PDE4A: variants seen among roughly 807,000 people sequenced by gnomAD.
The protein encoded by PDE4A is phosphodiesterase 4A, also known as 3',5'-cyclic-AMP phosphodiesterase 4A.
PDE4A carries 21 observed loss-of-function variants against 73.9 expected under a neutral mutation model. That is an observed-to-expected ratio of 0.28 (90% CI 0.20 to 0.41). PDE4A has a LOEUF of 0.41. PDE4A is among the 10% of genes least tolerant of loss of function. The pLI is 1.00. For synonymous variants in PDE4A, 463 were observed against 505.4 expected (o/e 0.92, Z 1.13); for missense variants, 958 against 1,211.4 (o/e 0.79, Z 3.10).
At chr19:10,461,224 TGGAAAGGGGA>T in intron 11 of PDE4A, 121 bp downstream of exon 11, 1 of 932,274 alleles carries the variant, frequency 1.1e-6, no homozygotes, top group Non-Finnish European at 1.3e-6. Flanking sequence ...CTGGCTGGCC[TGGAAAGGGGA>T]TGGCCGGGCA....
chr19:10,461,188 A>AGGGGCTGGCTGGCCTGGGGGC lies in PDE4A; in HGVS notation c.1465+103_1465+123dup, dbSNP rs1394786155. ...GGGGCGGAACTAACTAGGCTGGAGGAGGGGCTGGCTGGCCTGGGGGCGGGG... is the reference window on the plus strand; with the variant it reads ...GGGGCGGAACTAACTAGGCTGGAGGAGGGGCTGGCTGGCCTGGGGGCGGGGCTGGCTGGCCTGGGGGCGGGG... On this transcript the variant is annotated intron_variant, in intron 11 of 14. Coordinates refer to ENST00000380702, the MANE Select transcript of PDE4A (RefSeq NM_001111307.2). The AGGGGCTGGCTGGCCTGGGGGC allele has an allele frequency of 5.8e-4, 664 of 1,146,814 alleles. 2 individuals carry two copies. Among genetic ancestry groups the AGGGGCTGGCTGGCCTGGGGGC allele is most frequent in the Non-Finnish European group, 6.5e-4 (597 of 918,686 alleles). The allele number at this position is 1,146,814 out of a possible 1,614,324, so 71.0% of individuals were successfully genotyped here.
intron 1 of PDE4A, among the ~76,000 whole-genome samples, chr19:10,425,935 C>T (rs549650923): frequency 3.1e-5 from 4 of 127,752 alleles, no homozygotes; most frequent in Admixed American, 9.4e-5. Flanking sequence ...TGCGGTGAGC[C>T]GAGATTGGGC....
chr19:10,431,157 T>A (rs2042784154), intron 1 of PDE4A: 1 of 1,058,278 alleles, frequency 9.4e-7, no homozygotes, highest in Non-Finnish European at 1.3e-6. Flanking sequence ...GGTCTAGGGT[T>A]CGTGGCTCAC....
chr19:10,452,858 C>CGTT, intron 6 of PDE4A: 1 of 598,582 alleles, frequency 1.7e-6, no homozygotes, highest in Non-Finnish European at 2.1e-6. Context: ...TCTGATGCCC[C>CGTT]TTTAATACCC....
rs1249060531 is a variant in PDE4A, at chr19:10,466,909, T to C, written c.1949T>C (p.Val650Ala). 6.2e-7 allele frequency: 1 copy of C among 1,614,050 alleles called. No individual in the cohort carries two copies. Residue 650 changes from valine (V) to alanine (A), a missense_variant, in exon 15 of 15, where the codon GTG becomes GCG. Val to Ala is a moderately conservative substitution (Grantham distance 64). Coordinates refer to ENST00000380702, the MANE Select transcript of PDE4A (RefSeq NM_001111307.2). ...CAGGTGGGTTTTATTGACTACATTG[T>C]GCACCCATTGTGGGAGACCTGGGCG... ...KSQVGFIDYI[V>A]HPLWETWADL...
At chr19:10,427,993 CAAAAAAAA>C (rs5827099) in intron 1 of PDE4A, 96 of 107,944 alleles carry the variant, frequency 8.9e-4, no homozygotes, top group Non-Finnish European at 1.5e-3. Flanking sequence ...GAGACCCTGT[CAAAAAAAA>C]AAAAAAAAAA....
chr19:10,443,498 T>C (rs971269078), intron 1 of PDE4A, among the ~76,000 whole-genome samples: 1 of 149,500 alleles, frequency 6.7e-6, no homozygotes, highest in African/African-American at 2.5e-5. Flanking sequence ...TGAGCTGAGA[T>C]TGTGCCATTG....
At position 10,468,195 on chromosome 19, in the gene PDE4A, C is replaced by A. The variant is rs1414687044; in HGVS notation, c.*574C>A. The A allele has an allele frequency of 6.5e-6, 1 of 152,714 alleles. No homozygotes were observed. Among genetic ancestry groups the A allele is most frequent in the East Asian group, 1.9e-4 (1 of 5,294 alleles). The allele number at this position is 152,714 out of a possible 1,614,324, so 9.5% of individuals were successfully genotyped here. Reference sequence around the variant, plus strand: ...CACTGTGGGAGGTCCCAGCTCCAGCCCCCCTCTGGTTTGCTGCCTCCTCTC... The same window carrying A: ...CACTGTGGGAGGTCCCAGCTCCAGCACCCCTCTGGTTTGCTGCCTCCTCTC... On this transcript the variant is annotated 3_prime_UTR_variant, in exon 15 of 15. Transcript: ENST00000380702.
chr19:10,421,177 G>A (rs2042646576), intron 1 of PDE4A, 93 bp downstream of exon 1: 3 of 1,335,362 alleles, frequency 2.2e-6, no homozygotes, highest in Non-Finnish European at 2.9e-6. Flanking sequence ...CTAGGATGCG[G>A]GTGGGGTCGG....
chr19:10,458,196 TC>T lies in PDE4A; in HGVS notation c.1101+97del. The stretch of plus-strand genomic sequence containing the variant: ...ATTGGGTTATGTCTTAGGCCAGGTT[TC>T]CCAGAAGCAGAGCTTGAGATGAGGG... On this transcript the variant is annotated intron_variant, in intron 8 of 14. Transcript: ENST00000380702. This position sits in a 1 kb window ranked among gnomAD's most constrained non-coding sequence, Gnocchi z 4.6. The T allele has an allele frequency of 8.2e-7, 1 of 1,215,990 alleles. No individual in the cohort carries two copies. Among genetic ancestry groups the T allele is most frequent in the Non-Finnish European group, 1.2e-6 (1 of 851,196 alleles). 75.3% of individuals were successfully genotyped at this position (1,215,990 alleles called of 1,614,324 possible). A position where few individuals can be genotyped will look rare whatever the true frequency, so the allele number is the denominator to read the frequency against.
upstream of PDE4A, chr19:10,418,945 G>T: frequency 1.0e-6 from 1 of 985,126 alleles, no homozygotes; most frequent in Non-Finnish European, 1.2e-6. Context: ...TTGGCCCTTG[G>T]AATACCCGGC....
At chr19:10,461,800 C>G (rs1242109996) in intron 12 of PDE4A, 77 bp from the exon 13 acceptor site, 2 of 1,580,580 alleles carry the variant, frequency 1.3e-6, no homozygotes, top group Non-Finnish European at 1.7e-6. Flanking sequence ...CGGCTTCTAC[C>G]TGGTGAAAAC....
At chr19:10,463,216 C>T (rs1384138936) in intron 13 of PDE4A, among the ~76,000 whole-genome samples, 1 of 149,348 alleles carries the variant, frequency 6.7e-6, no homozygotes, top group Non-Finnish European at 1.5e-5. Flanking sequence ...CAGCCTCTAG[C>T]GTAGCTGGGA....
chr19:10,464,134 A>C lies in PDE4A; in HGVS notation c.1926+159A>C, dbSNP rs542045682. On this transcript the variant is annotated intron_variant, in intron 14 of 14. Transcript: ENST00000380702. ...TGTTTTTGAGACGGAGTCTCATTCT[A>C]TTGCCCAGGCTGGAGTACAATGGCA... 11 of 924,266 alleles carry C rather than the reference A, an allele frequency of 1.2e-5. No individual in the cohort carries two copies. The Admixed American group carries it at 2.3e-4, about 19-fold the overall frequency. 57.3% of individuals were successfully genotyped at this position (924,266 alleles called of 1,614,324 possible). A position where few individuals can be genotyped will look rare whatever the true frequency, so the allele number is the denominator to read the frequency against.
intron 1 of PDE4A, among the ~76,000 whole-genome samples, chr19:10,445,957 C>A (rs1193603842): frequency 6.6e-6 from 1 of 151,012 alleles, no homozygotes; most frequent in African/African-American, 2.4e-5. Flanking sequence ...CATGCCTCAG[C>A]CTCCCGAATA....
intron 14 of PDE4A, among the ~76,000 whole-genome samples, chr19:10,466,308 G>A (rs1362784684): frequency 6.7e-6 from 1 of 149,074 alleles, no homozygotes; most frequent in East Asian, 2.1e-4. Flanking sequence ...AGCCAGGCAC[G>A]ATGGCGGGCG....
Position 10,453,202 on chromosome 19 carries a change from C to T in PDE4A, c.784-1627C>T, listed in dbSNP as rs1474741430. Reference sequence around the variant, plus strand: ...GCACCCCCTCCCCAGTGGTTGTTAACCCCGGGACTCCCCAAGCCCAGCCTC... The same window carrying T: ...GCACCCCCTCCCCAGTGGTTGTTAATCCCGGGACTCCCCAAGCCCAGCCTC... On this transcript the variant is annotated intron_variant, in intron 6 of 14. Coordinates refer to ENST00000380702, the MANE Select transcript of PDE4A (RefSeq NM_001111307.2). This position sits in a 1 kb window ranked among gnomAD's most constrained non-coding sequence, Gnocchi z 4.6. 3.2e-6 allele frequency: 5 copies of T among 1,544,450 alleles called. No homozygotes were observed. The highest frequency in any genetic ancestry group is 4.4e-6 in the Non-Finnish European group (5 of 1,144,158).
chr19:10,450,526 G>C, intron 4 of PDE4A, 77 bp from the exon 5 acceptor site: 4 of 1,516,342 alleles, frequency 2.6e-6, no homozygotes, highest in Non-Finnish European at 3.5e-6. Context: ...AATTGGCACT[G>C]TTCATGAAAG....
In PDE4A at chr19:10,444,495, T is replaced by C. The variant is rs575437646; in HGVS notation, c.321-1723T>C. 7.5e-5 allele frequency among the ~76,000 whole-genome samples: 11 copies of C among 146,548 alleles called. No homozygotes were observed. The South Asian group carries it at 2.4e-3, about 32-fold the overall frequency. On this transcript the variant is annotated intron_variant, in intron 1 of 14. Coordinates refer to ENST00000380702, the MANE Select transcript of PDE4A (RefSeq NM_001111307.2). ...CCTGGGCAACAAGAGTGAAACTCCA[T>C]CTCAAAAAAAAAAAAAAAGTATTAT... is the stretch of plus-strand genomic sequence containing the variant.
Sources: gnomAD v4.1 joint callset for allele counts (sites outside exome capture counted in the v4.1 genomes callset) on GRCh38, gnomAD v4.1.1 for gene constraint, Gnocchi (gnomAD v3.1) non-coding constraint, MANE v1.5 for transcripts, NCBI Gene and HGNC (gene_info 2026-07-23, HGNC 2026-07-21) for gene names.